P2RX7: variants seen among roughly 807,000 people sequenced by gnomAD.
P2RX7 encodes the protein purinergic receptor P2X 7, also known as P2X purinoceptor 7.
In P2RX7, 62 loss-of-function variants were observed where a neutral mutation model predicts 71.6. That is an observed-to-expected ratio of 0.87 (90% CI 0.71 to 1.07). The LOEUF (loss-of-function observed/expected upper bound fraction) is 1.07. Ranked by LOEUF, P2RX7 falls within the 50% of genes least tolerant of loss-of-function variation. P2RX7 has a pLI of 0.00. For synonymous variants in P2RX7, 299 were observed against 283.3 expected (o/e 1.06, Z -0.56); for missense variants, 686 against 748.5 (o/e 0.92, Z 0.97).
rs200847526 is a variant in P2RX7, at chr12:121,154,987, G to A, written c.294+34G>A. The A allele has an allele frequency of 1.2e-5, 20 of 1,610,478 alleles. No individual in the cohort carries two copies. The highest frequency in any genetic ancestry group is 8.9e-5 in the East Asian group (4 of 44,880). ...CTCGTAGCATTCTCCCAGGCTCGTC[G>A]CTGGTCACCGTCGCCAGGGCCTAGC... On this transcript the variant is annotated intron_variant, in intron 2 of 12. Coordinates refer to ENST00000328963, the MANE Select transcript of P2RX7 (RefSeq NM_002562.6). The surrounding 1 kb of genome is among the most constrained non-coding windows in gnomAD (Gnocchi z 4.2).
At chr12:121,183,614 A>C (rs550802918) in intron 12 of P2RX7, among the ~76,000 whole-genome samples, 55 of 151,654 alleles carry the variant, frequency 3.6e-4, no homozygotes, top group Non-Finnish European at 5.4e-4. Context: ...CACACACACA[A>C]AAACCATTTC....
rs185267844 is a variant in P2RX7, at chr12:121,155,580, C to T, written c.295-499C>T. On this transcript the variant is annotated intron_variant, in intron 2 of 12. Transcript: ENST00000328963. ...AGGGGCACGTTTGCGGCTTGGGGAG[C>T]TAAAATGCTTTGCAAAGACCCATGA... Among the ~76,000 whole-genome samples the T allele has an allele frequency of 2.3e-3, 351 of 152,116 alleles. 2 individuals are homozygous for T. Among genetic ancestry groups the T allele is most frequent in the African/African-American group, 7.9e-3 (327 of 41,490 alleles).
intron 1 of P2RX7, among the ~76,000 whole-genome samples, chr12:121,134,069 A>G (rs1478966215): frequency 6.6e-6 from 1 of 152,172 alleles, no homozygotes; most frequent in South Asian, 2.1e-4. Flanking sequence ...CATTGCATGG[A>G]TAGACCACTT....
At chr12:121,148,564 TTGAC>T (rs1465188737) in intron 1 of P2RX7, among the ~76,000 whole-genome samples, 1 of 152,142 alleles carries the variant, frequency 6.6e-6, no homozygotes, top group African/African-American at 2.4e-5. Context: ...TTTACCCTGT[TTGAC>T]TGACTTTAGG....
At chr12:121,182,695 G>T (rs1884328185) in intron 12 of P2RX7, among the ~76,000 whole-genome samples, 3 of 152,208 alleles carry the variant, frequency 2.0e-5, no homozygotes, top group Admixed American at 2.0e-4. Context: ...AGTGAGTAGT[G>T]AGTGAATGTG....
chr12:121,158,955 C>A (rs1327533450), intron 3 of P2RX7, among the ~76,000 whole-genome samples: 5 of 152,162 alleles, frequency 3.3e-5, no homozygotes, highest in African/African-American at 7.2e-5. Context: ...ATAATCTAAT[C>A]TGGGGAGTCA....
intron 8 of P2RX7, among the ~76,000 whole-genome samples, chr12:121,171,780 T>C (rs1882238500): frequency 6.6e-6 from 1 of 151,870 alleles, no homozygotes; most frequent in Non-Finnish European, 1.5e-5. Context: ...TAGAAACATC[T>C]CAGAGCTTCT....
chr12:121,163,935 A>T (rs979985684), intron 5 of P2RX7, among the ~76,000 whole-genome samples: 16 of 152,052 alleles, frequency 1.1e-4, no homozygotes, highest in African/African-American at 3.9e-4. Context: ...CAATGCCGGG[A>T]TGGGGGGTGC....
chr12:121,176,135 G>A (rs1883069990), intron 9 of P2RX7, among the ~76,000 whole-genome samples: 1 of 151,982 alleles, frequency 6.6e-6, no homozygotes, highest in South Asian at 2.1e-4. Context: ...TAATCACTGT[G>A]ACCAGGGTCA....
At chr12:121,159,215 A>G (rs1427859962) in intron 3 of P2RX7, among the ~76,000 whole-genome samples, 9 of 152,080 alleles carry the variant, frequency 5.9e-5, no homozygotes, top group South Asian at 2.1e-4. Flanking sequence ...TCAGGAGTTC[A>G]AGACCAGCCT....
Position 121,164,998 on chromosome 12 carries a change from T to C in P2RX7, c.534-359T>C, listed in dbSNP as rs147684403. ...CCGCACACTTTTAAATGATCAGATC[T>C]CGTGAGAACTCACTCACTATCACAA... On this transcript the variant is annotated intron_variant, in intron 5 of 12. Coordinates refer to ENST00000328963, the MANE Select transcript of P2RX7 (RefSeq NM_002562.6). Among the ~76,000 whole-genome samples the C allele has an allele frequency of 2.6e-5, 4 of 152,138 alleles. No individual in the cohort carries two copies. In the East Asian group the frequency reaches 7.7e-4, roughly 29 times the overall value.
rs187625517 is a variant in P2RX7 at position 121,148,014 on chromosome 12, T to C, written c.126-6771T>C. 1.4e-3 allele frequency among the ~76,000 whole-genome samples: 215 copies of C among 152,202 alleles called. 2 individuals are homozygous for C. Among genetic ancestry groups the C allele is most frequent in the Non-Finnish European group, 2.3e-3 (157 of 68,016 alleles). On this transcript the variant is annotated intron_variant, in intron 1 of 12. Transcript: ENST00000328963. ...TCTATCTTTATCACAGATCTATCTTTACTGTCATAGAAAGAACTAATAACA... is the reference window on the plus strand; with the variant it reads ...TCTATCTTTATCACAGATCTATCTTCACTGTCATAGAAAGAACTAATAACA...
chr12:121,142,389 C>T (rs915545622), intron 1 of P2RX7, among the ~76,000 whole-genome samples: 9 of 152,210 alleles, frequency 5.9e-5, no homozygotes, highest in Non-Finnish European at 7.3e-5. Context: ...CCACATGGTC[C>T]TCTCCATCTC....
At position 121,149,936 on chromosome 12, in the gene P2RX7, C is replaced by T. The variant is rs987533875; in HGVS notation, c.126-4849C>T. On this transcript the variant is annotated intron_variant, in intron 1 of 12. Transcript: ENST00000328963. This position sits in a 1 kb window ranked among gnomAD's most constrained non-coding sequence, Gnocchi z 4.7. Reference sequence around the variant, plus strand: ...TTCACACTCCCGTTAGCTCCAGGTACCAGCGGCTTTGCCTTCTACAGAATG... The same window carrying T: ...TTCACACTCCCGTTAGCTCCAGGTATCAGCGGCTTTGCCTTCTACAGAATG... Among the ~76,000 whole-genome samples the T allele has an allele frequency of 2.0e-5, 3 of 152,142 alleles. No individual in the cohort carries two copies. The highest frequency in any genetic ancestry group is 7.2e-5 in the African/African-American group (3 of 41,424).
chr12:121,180,126 C>CA (rs1883875117), intron 11 of P2RX7, among the ~76,000 whole-genome samples: 2 of 99,754 alleles, frequency 2.0e-5, no homozygotes, highest in African/African-American at 8.2e-5. Context: ...TCCAGCCTGG[C>CA]AACAAGAGTG....
chr12:121,158,216 T>TG (rs1207748078), intron 3 of P2RX7, among the ~76,000 whole-genome samples: 1 of 152,184 alleles, frequency 6.6e-6, no homozygotes, highest in Non-Finnish European at 1.5e-5. Context: ...ACCCTGATCA[T>TG]GGTGGGCTTA....
At chr12:121,158,188 G>A (rs1878970049) in intron 3 of P2RX7, among the ~76,000 whole-genome samples, 1 of 152,154 alleles carries the variant, frequency 6.6e-6, no homozygotes, top group Non-Finnish European at 1.5e-5. Flanking sequence ...CCATTTATCT[G>A]TGGCTGCAAA....
chr12:121,136,023 A>AAAAAAAAAAAAAAAAAAAATATAT lies in P2RX7; in HGVS notation c.125+2929_125+2930insAAAAAAAAAAAAAAAAAATATATA. Among the ~76,000 whole-genome samples the AAAAAAAAAAAAAAAAAAAATATAT allele has an allele frequency of 2.0e-4, 3 of 15,264 alleles. 1 individual carries two copies. The highest frequency in any genetic ancestry group is 5.5e-4 in the Non-Finnish European group (3 of 5,450). 10.0% of individuals were successfully genotyped at this position (15,264 alleles called of 152,430 possible). ...TGTCTCAAAAAAAAAAAAAAAAAAA[A>AAAAAAAAAAAAAAAAAAAATATAT]ATATATATATATATATATAGTATTT... On this transcript the variant is annotated intron_variant, in intron 1 of 12. Coordinates refer to ENST00000328963, the MANE Select transcript of P2RX7 (RefSeq NM_002562.6).
Position 121,166,299 on chromosome 12 carries a change from G to A in P2RX7, c.744+112G>A. 2.6e-6 allele frequency: 3 copies of A among 1,163,434 alleles called. No homozygotes were observed. In the South Asian group the frequency reaches 4.4e-5, roughly 17 times the overall value. 72.1% of individuals were successfully genotyped at this position (1,163,434 alleles called of 1,614,324 possible). A position where few individuals can be genotyped will look rare whatever the true frequency, so the allele number is the denominator to read the frequency against. On this transcript the variant is annotated intron_variant, in intron 7 of 12. Transcript: ENST00000328963. ...CTTCATAATGTGGCTCACATTTACT[G>A]AGCATTTAGTAAATCCACCCGCTAC...
Sources: allele counts gnomAD v4.1 joint callset (sites outside exome capture counted in the v4.1 genomes callset), GRCh38; gene constraint gnomAD v4.1.1; non-coding constraint Gnocchi (gnomAD v3.1); transcripts MANE v1.5; gene names NCBI Gene and HGNC (gene_info 2026-07-23, HGNC 2026-07-21).